The following GATA4 variants were observed in gnomAD, a reference collection of about 807,000 sequenced individuals.
GATA4 encodes the protein transcription factor GATA-4.
GATA4 carries 7 observed loss-of-function variants against 37.9 expected under a neutral mutation model. That is an observed-to-expected ratio of 0.18 (90% CI 0.11 to 0.35). GATA4 has a LOEUF of 0.35. Ranked by LOEUF, GATA4 falls within the 10% of genes least tolerant of loss-of-function variation. GATA4 has a pLI of 1.00. For synonymous variants in GATA4, 372 were observed against 292.6 expected (o/e 1.27, Z -2.77); for missense variants, 647 against 653.0 (o/e 0.99, Z 0.10).
At chr8:11,688,938 T>C (rs10100742), upstream of GATA4, among the ~76,000 whole-genome samples, 7,188 of 152,284 alleles carry the variant, frequency 0.047, 580 homozygotes, top group African/African-American at 0.16. Context: ...ATGATTTATT[T>C]GGGAGGTGAG....
rs56166237 is a variant in GATA4, at chr8:11,708,411, G to T, written c.99G>T (p.Ala33=). 1.5e-3 allele frequency: 2,240 copies of T among 1,538,132 alleles called. 23 individuals carry two copies. The East Asian group carries it at 0.029, about 20-fold the overall frequency. ...CCTTCATGCACGGCGCGGGCGCCGC[G>T]TCCTCGCCAGTCTACGTGCCCACAC... is the stretch of plus-strand genomic sequence containing the variant. ...PGAFMHGAGA[A]SSPVYVPTPR... Residue 33 remains alanine, a synonymous_variant, in exon 2 of 7, where the codon GCG becomes GCT. Transcript: ENST00000532059. This position sits in a 1 kb window ranked among gnomAD's most constrained non-coding sequence, Gnocchi z 6.7.
At chr8:11,742,251 T>C (rs1318790073) in intron 2 of GATA4, among the ~76,000 whole-genome samples, 1 of 152,144 alleles carries the variant, frequency 6.6e-6, no homozygotes, top group Non-Finnish European at 1.5e-5. Flanking sequence ...TTCACGCTCA[T>C]CTTTCTCTTT....
chr8:11,727,799 C>T (rs1801007560), intron 2 of GATA4, among the ~76,000 whole-genome samples: 1 of 151,724 alleles, frequency 6.6e-6, no homozygotes, highest in African/African-American at 2.4e-5. Flanking sequence ...CGTGATCTAG[C>T]CTGGGTGACA....
chr8:11,699,921 T>A (rs756926957), upstream of GATA4, among the ~76,000 whole-genome samples: 2 of 152,106 alleles, frequency 1.3e-5, no homozygotes, highest in Non-Finnish European at 2.9e-5. Flanking sequence ...AGACAGTTTT[T>A]AAAAATACGT....
chr8:11,687,831 C>T (rs1799188623), upstream of GATA4, among the ~76,000 whole-genome samples: 2 of 152,154 alleles, frequency 1.3e-5, no homozygotes, highest in Admixed American at 1.3e-4. Flanking sequence ...AATTACACAG[C>T]TACAAGGCTC....
intron 2 of GATA4, among the ~76,000 whole-genome samples, chr8:11,742,950 C>A (rs1388427602): frequency 6.6e-6 from 1 of 152,230 alleles, no homozygotes. Context: ...TGGGCAGGTC[C>A]CTCCCCTCCT....
chr8:11,745,723 C>A (rs1801998010), intron 2 of GATA4, among the ~76,000 whole-genome samples: 1 of 152,140 alleles, frequency 6.6e-6, no homozygotes, highest in Non-Finnish European at 1.5e-5. Context: ...AGATGTTTTT[C>A]ACTTAAATGA....
At chr8:11,735,724 G>C (rs138014561) in intron 2 of GATA4, among the ~76,000 whole-genome samples, 10,589 of 152,192 alleles carry the variant, frequency 0.07, 1,067 homozygotes, top group African/African-American at 0.22. Flanking sequence ...CACCACGCTG[G>C]CTAATTTTGT....
chr8:11,707,317 G>GTT lies in GATA4; in HGVS notation c.-457-526_-457-525dup, dbSNP rs34913959. 2.8e-5 allele frequency among the ~76,000 whole-genome samples: 4 copies of GTT among 143,670 alleles called. No individual in the cohort carries two copies. The highest frequency in any genetic ancestry group is 2.2e-4 in the South Asian group (1 of 4,534). The allele number at this position is 143,670 out of a possible 152,430, so 94.3% of individuals were successfully genotyped here. A position where few individuals can be genotyped will look rare whatever the true frequency, so the allele number is the denominator to read the frequency against. ...TATAAACATTTGGACTCTACTTCTG[G>GTT]TTTTTTTTTTTTTTAATTACAAACA... On this transcript the variant is annotated intron_variant, in intron 1 of 6. Coordinates refer to ENST00000532059, the MANE Select transcript of GATA4 (RefSeq NM_001308093.3). The surrounding 1 kb of genome is among the most constrained non-coding windows in gnomAD (Gnocchi z 4.7).
intron 3 of GATA4, 79 bp from the exon 4 acceptor site, chr8:11,750,032 G>A: frequency 6.2e-7 from 1 of 1,606,430 alleles, no homozygotes; most frequent in Non-Finnish European, 8.5e-7. Flanking sequence ...GGGAGGCCCA[G>A]CTCCGCAGCC....
rs187442749 is a variant in GATA4 at position 11,743,814 on chromosome 8, T to C, written c.617-5102T>C. Among the ~76,000 whole-genome samples the C allele has an allele frequency of 1.5e-3, 236 of 152,282 alleles. 1 individual carries two copies. The Middle Eastern group carries it at 0.017, about 11-fold the overall frequency. On this transcript the variant is annotated intron_variant, in intron 2 of 6. Transcript: ENST00000532059. The stretch of plus-strand genomic sequence containing the variant: ...CAGGCACTAGGGTGGGAGCAGCTTG[T>C]TTAATTGATAGGAATATCCATACTG...
Position 11,743,628 on chromosome 8 carries a change from G to A in GATA4, c.617-5288G>A, listed in dbSNP as rs570902994. 2.0e-3 allele frequency among the ~76,000 whole-genome samples: 306 copies of A among 152,332 alleles called. 5 individuals are homozygous for A. Among genetic ancestry groups the A allele is most frequent in the African/African-American group, 7.0e-3 (290 of 41,578 alleles). ...TTCCTCCCGTGCCTTCCCTCTCCCCGCCCTGACTGGCCTCCCCTTGTTGGG... is the reference window on the plus strand; with the variant it reads ...TTCCTCCCGTGCCTTCCCTCTCCCCACCCTGACTGGCCTCCCCTTGTTGGG... On this transcript the variant is annotated intron_variant, in intron 2 of 6. Coordinates refer to ENST00000532059, the MANE Select transcript of GATA4 (RefSeq NM_001308093.3).
At chr8:11,725,501 C>G (rs150417847) in intron 2 of GATA4, among the ~76,000 whole-genome samples, 2 of 152,238 alleles carry the variant, frequency 1.3e-5, no homozygotes, top group African/African-American at 4.8e-5. Flanking sequence ...CTTGCAGAAC[C>G]GAAGGCCTCT....
At chr8:11,688,944 G>A (rs1472481173), upstream of GATA4, among the ~76,000 whole-genome samples, 1 of 152,194 alleles carries the variant, frequency 6.6e-6, no homozygotes, top group Non-Finnish European at 1.5e-5. Flanking sequence ...TATTTGGGAG[G>A]TGAGCACTAA....
At chr8:11,711,820 C>G (rs1334557682) in intron 2 of GATA4, among the ~76,000 whole-genome samples, 2 of 151,372 alleles carry the variant, frequency 1.3e-5, no homozygotes, top group African/African-American at 4.9e-5. Context: ...ATTACTTGGG[C>G]TCTCCTACCT....
chr8:11,758,638 G>A lies in GATA4; in HGVS notation c.*163G>A. On this transcript the variant is annotated 3_prime_UTR_variant, in exon 7 of 7. Transcript: ENST00000532059. Reference sequence around the variant, plus strand: ...GTCGACAATCTGGTTAGGGGAAGCGGGTGTTGGATTTTCTCAGATGCCTTT... The same window carrying A: ...GTCGACAATCTGGTTAGGGGAAGCGAGTGTTGGATTTTCTCAGATGCCTTT... 1.4e-6 allele frequency: 1 copy of A among 729,370 alleles called. No homozygotes were observed. Among genetic ancestry groups the A allele is most frequent in the Middle Eastern group, 3.6e-4 (1 of 2,804 alleles). 45.2% of individuals were successfully genotyped at this position (729,370 alleles called of 1,614,324 possible). A position where few individuals can be genotyped will look rare whatever the true frequency, so the allele number is the denominator to read the frequency against.
At chr8:11,741,798 G>T (rs1801753519) in intron 2 of GATA4, among the ~76,000 whole-genome samples, 1 of 152,222 alleles carries the variant, frequency 6.6e-6, no homozygotes, top group Non-Finnish European at 1.5e-5. Context: ...CAGACAAGAT[G>T]GGAAAACAGC....
At chr8:11,678,209 T>A (rs183457749) in intron 1 of GATA4, among the ~76,000 whole-genome samples, 1 of 152,170 alleles carries the variant, frequency 6.6e-6, no homozygotes, top group Admixed American at 6.5e-5. Context: ...ATTTGTTCAC[T>A]CTGTAGCCTC....
upstream of GATA4, among the ~76,000 whole-genome samples, chr8:11,699,334 T>A (rs960679516): frequency 6.6e-6 from 1 of 152,236 alleles, no homozygotes; most frequent in Non-Finnish European, 1.5e-5. Flanking sequence ...CAAAAGTCTC[T>A]AACTGGGGAG....
Sources: allele counts gnomAD v4.1 joint callset (sites outside exome capture counted in the v4.1 genomes callset), GRCh38; gene constraint gnomAD v4.1.1; non-coding constraint Gnocchi (gnomAD v3.1); transcripts MANE v1.5; gene names NCBI Gene and HGNC (gene_info 2026-07-23, HGNC 2026-07-21).